Variants in ATAD2 observed in about 807,000 individuals in gnomAD.
The protein encoded by ATAD2 is ATPase family AAA domain containing 2.
In ATAD2, 62 loss-of-function variants were observed where a neutral mutation model predicts 168.9. That is an observed-to-expected ratio of 0.37 (90% CI 0.30 to 0.45). The LOEUF is 0.45. ATAD2 is among the 20% of genes least tolerant of loss of function. The pLI is 1.00. For missense variants in ATAD2, 1,419 were observed against 1,667.8 expected (o/e 0.85, Z 2.60); for synonymous variants, 613 against 571.6 (o/e 1.07, Z -1.03).
intron 6 of ATAD2, 70 bp from the exon 7 acceptor site, chr8:123,370,094 G>A (rs199738903): frequency 2.6e-5 from 35 of 1,327,412 alleles, no homozygotes; most frequent in Non-Finnish European, 3.3e-5. Context: ...ACATAGGTGA[G>A]TTGGGAGAGA....
intron 2 of ATAD2, among the ~76,000 whole-genome samples, chr8:123,376,476 T>C (rs1829320353): frequency 1.3e-5 from 2 of 150,724 alleles, no homozygotes; most frequent in Admixed American, 6.6e-5. Context: ...TTAGGAGAAT[T>C]GCTTGAACCT....
At chr8:123,330,283 C>T (rs917571995) in intron 24 of ATAD2, among the ~76,000 whole-genome samples, 23 of 152,106 alleles carry the variant, frequency 1.5e-4, no homozygotes, top group African/African-American at 5.6e-4. Context: ...AGCCATAGTG[C>T]CTGGCCTCTG....
intron 1 of ATAD2, among the ~76,000 whole-genome samples, chr8:123,412,372 C>G (rs538161115): frequency 4.9e-4 from 74 of 152,258 alleles, no homozygotes; most frequent in South Asian, 1.2e-3. Context: ...AATGCTTACA[C>G]CCTGCTCAGA....
intron 24 of ATAD2, among the ~76,000 whole-genome samples, chr8:123,333,117 A>C (rs1827819626): frequency 6.6e-6 from 1 of 151,022 alleles, no homozygotes; most frequent in Admixed American, 6.7e-5. Flanking sequence ...GGCCAGGCGC[A>C]GTGGCTCACG....
intron 10 of ATAD2, 23 bp from the exon 11 acceptor site, chr8:123,359,359 A>G (rs1302265413): frequency 6.5e-7 from 1 of 1,535,286 alleles, no homozygotes; most frequent in Non-Finnish European, 8.9e-7. Context: ...GCGAACATGT[A>G]CATTTTTAGA....
chr8:123,393,703 G>C (rs1385986730), intron 1 of ATAD2, among the ~76,000 whole-genome samples: 1 of 151,992 alleles, frequency 6.6e-6, no homozygotes, highest in Admixed American at 6.6e-5. Context: ...GATCACCTGA[G>C]ACCGGGAGTT....
At chr8:123,374,478 T>TTTA (rs1829247923) in intron 2 of ATAD2, among the ~76,000 whole-genome samples, 1 of 152,180 alleles carries the variant, frequency 6.6e-6, no homozygotes. Context: ...GTCTATACAT[T>TTTA]TTATAAACCA....
At chr8:123,410,389 C>T (rs1392707333) in intron 1 of ATAD2, among the ~76,000 whole-genome samples, 2 of 152,152 alleles carry the variant, frequency 1.3e-5, no homozygotes, top group Non-Finnish European at 2.9e-5. Flanking sequence ...CAGGTTCAAG[C>T]GATTCTCCTG....
chr8:123,337,480 T>A, intron 21 of ATAD2, 145 bp downstream of exon 21: 1 of 655,780 alleles, frequency 1.5e-6, no homozygotes, highest in Non-Finnish European at 2.3e-6. Context: ...AGTCTACATG[T>A]GCTTAGGACA....
intron 1 of ATAD2, among the ~76,000 whole-genome samples, chr8:123,411,708 C>T (rs1309063344): frequency 6.6e-6 from 1 of 152,090 alleles, no homozygotes; most frequent in Non-Finnish European, 1.5e-5. Context: ...GGGTCCCCTC[C>T]CTTTGTATGG....
upstream of ATAD2, among the ~76,000 whole-genome samples, chr8:123,397,287 C>G (rs1477410263): frequency 6.8e-6 from 1 of 146,154 alleles, no homozygotes; most frequent in East Asian, 2.0e-4. Context: ...AAAAAAAGAG[C>G]AGGACTCCCA....
chr8:123,400,704 C>T, upstream of ATAD2: 2 of 748,128 alleles, frequency 2.7e-6, no homozygotes, highest in South Asian at 2.7e-5. The surrounding 1 kb of genome is among the most constrained non-coding windows in gnomAD (Gnocchi z 4.5). Flanking sequence ...GATTCATAGA[C>T]TTCATAGCTG....
intron 1 of ATAD2, among the ~76,000 whole-genome samples, chr8:123,409,636 G>A (rs966454929): frequency 1.3e-5 from 2 of 151,954 alleles, no homozygotes; most frequent in African/African-American, 4.8e-5. Flanking sequence ...GGGATTACAA[G>A]CTTGAGCTAC....
intron 22 of ATAD2, among the ~76,000 whole-genome samples, chr8:123,334,605 A>C (rs922471716): frequency 4.6e-5 from 7 of 152,234 alleles, no homozygotes; most frequent in African/African-American, 1.7e-4. Context: ...ATCAATAGCA[A>C]GAGATTAAAC....
chr8:123,362,147 A>C (rs1828844950), intron 8 of ATAD2, among the ~76,000 whole-genome samples: 1 of 152,032 alleles, frequency 6.6e-6, no homozygotes, highest in African/African-American at 2.4e-5. Context: ...AAAAGCTTAG[A>C]CAGGTATGGT....
At position 123,337,871 on chromosome 8, in the gene ATAD2, T is replaced by C. The variant is rs373263887; in HGVS notation, c.2855-50A>G. The C allele has an allele frequency of 1.4e-5, 20 of 1,476,770 alleles. No homozygotes were observed. In the African/African-American group the frequency reaches 2.7e-4, roughly 20 times the overall value. 91.5% of individuals were successfully genotyped at this position (1,476,770 alleles called of 1,614,324 possible). A position where few individuals can be genotyped will look rare whatever the true frequency, so the allele number is the denominator to read the frequency against. On this transcript the variant is annotated intron_variant, in intron 20 of 27. Coordinates refer to ENST00000287394, the MANE Select transcript of ATAD2 (RefSeq NM_014109.4). Reference sequence around the variant, plus strand: ...TTACTGCTCCTCCATAACATTGAGGTTGACAAATGATTTAATGAAAACAGA... The same window carrying C: ...TTACTGCTCCTCCATAACATTGAGGCTGACAAATGATTTAATGAAAACAGA...
chr8:123,366,613 A>T (rs554607919), intron 8 of ATAD2, among the ~76,000 whole-genome samples: 1 of 152,248 alleles, frequency 6.6e-6, no homozygotes, highest in Non-Finnish European at 1.5e-5. Flanking sequence ...CTCTAAGTGA[A>T]GTAACTCAGG....
chr8:123,386,732 T>C (rs1829655720), intron 1 of ATAD2, among the ~76,000 whole-genome samples: 1 of 152,102 alleles, frequency 6.6e-6, no homozygotes, highest in African/African-American at 2.4e-5. Context: ...AAAAAAAGAT[T>C]TTGTTTCCTT....
At chr8:123,346,516 A>G in intron 17 of ATAD2, 102 bp downstream of exon 17, 35 of 1,192,426 alleles carry the variant, frequency 2.9e-5, no homozygotes, top group Non-Finnish European at 4.0e-5. Context: ...TAATTTAAAT[A>G]AAAAGCAGAT....
Sources: gnomAD v4.1 joint callset for allele counts (sites outside exome capture counted in the v4.1 genomes callset) on GRCh38, gnomAD v4.1.1 for gene constraint, Gnocchi (gnomAD v3.1) non-coding constraint, MANE v1.5 for transcripts, NCBI Gene and HGNC (gene_info 2026-07-23, HGNC 2026-07-21) for gene names.